Variants in COL23A1 observed in about 807,000 individuals in gnomAD.
COL23A1 encodes the protein collagen alpha-1(XXIII) chain.
COL23A1 carries 97 observed loss-of-function variants against 99.3 expected under a neutral mutation model. The observed-to-expected ratio is 0.98, with a 90% CI of 0.83 to 1.16. COL23A1 has a LOEUF of 1.16. Among genes scored for constraint, COL23A1 ranks in the 50% most tolerant of loss-of-function variants. COL23A1 has a pLI of 0.00. For missense variants in COL23A1, 762 were observed against 757.4 expected (o/e 1.01, Z -0.07); for synonymous variants, 320 against 308.2 (o/e 1.04, Z -0.40).
At chr5:178,452,645 A>G (rs1037815337) in intron 2 of COL23A1, among the ~76,000 whole-genome samples, 4 of 152,246 alleles carry the variant, frequency 2.6e-5, no homozygotes, top group Non-Finnish European at 2.9e-5. Context: ...TTTAAAAACC[A>G]GCAACAGAAA....
At chr5:178,547,507 AC>A (rs1356238914) in intron 2 of COL23A1, among the ~76,000 whole-genome samples, 1 of 62,338 alleles carries the variant, frequency 1.6e-5, no homozygotes, top group Non-Finnish European at 3.3e-5. Flanking sequence ...CCCCATACAC[AC>A]CCCCACACCC....
chr5:178,431,259 G>A (rs147970190), intron 2 of COL23A1, among the ~76,000 whole-genome samples: 8 of 152,282 alleles, frequency 5.3e-5, no homozygotes, highest in African/African-American at 1.7e-4. Context: ...CCTGTCACAC[G>A]CAGGGTGTGT....
At position 178,560,732 on chromosome 5, in the gene COL23A1, G is replaced by T; in HGVS notation, c.311C>A (p.Ala104Glu). The change falls in exon 2 of 29, where the codon GCG becomes GAG. Residue 104 changes from alanine (A) to glutamate (E), a missense_variant. Transcript: ENST00000390654. ...AGCTTCCCGAGCAGTCCGGATCTTCGCTAGTCCGTCCAACTTCTGAGCCGG... is the reference window on the plus strand; with the variant it reads ...AGCTTCCCGAGCAGTCCGGATCTTCTCTAGTCCGTCCAACTTCTGAGCCGG... Reference protein sequence around the residue: ...RLLREKLDGLAKIRTAREAPS... With the variant: ...RLLREKLDGLEKIRTAREAPS... The T allele has an allele frequency of 6.2e-7, 1 of 1,611,656 alleles. No homozygotes were observed. Among genetic ancestry groups the T allele is most frequent in the East Asian group, 2.2e-5 (1 of 44,808 alleles).
chr5:178,379,417 A>G (rs1763254653), intron 2 of COL23A1, among the ~76,000 whole-genome samples: 1 of 152,184 alleles, frequency 6.6e-6, no homozygotes, highest in Non-Finnish European at 1.5e-5. Flanking sequence ...GGATGGACAC[A>G]CATGAATCTG....
At chr5:178,561,143 T>C (rs1762540519) in intron 1 of COL23A1, among the ~76,000 whole-genome samples, 1 of 152,176 alleles carries the variant, frequency 6.6e-6, no homozygotes, top group African/African-American at 2.4e-5. Flanking sequence ...TCCAGGCGGC[T>C]TTCTGCACTC....
At chr5:178,492,119 T>C (rs1484555719) in intron 2 of COL23A1, among the ~76,000 whole-genome samples, 4 of 152,356 alleles carry the variant, frequency 2.6e-5, no homozygotes, top group East Asian at 3.9e-4. Context: ...TGAAGAAGCA[T>C]TGAAATTGTA....
chr5:178,450,487 G>A (rs575576738), intron 2 of COL23A1, among the ~76,000 whole-genome samples: 3 of 152,268 alleles, frequency 2.0e-5, no homozygotes, highest in South Asian at 2.1e-4. Context: ...GACATCGCAC[G>A]CTGAGAACGA....
In COL23A1 at chr5:178,316,951, C is replaced by T. The variant is rs142634403; in HGVS notation, c.362-10032G>A. The stretch of plus-strand genomic sequence containing the variant: ...GAGTATACGAGTCTTCCACTCTGGT[C>T]GGCTTATTCTATGGAGTGAGACTGA... On this transcript the variant is annotated intron_variant, in intron 2 of 28. Transcript: ENST00000390654. Among the ~76,000 whole-genome samples, 1,164 of 152,068 alleles carry T rather than the reference C, an allele frequency of 7.7e-3. 23 individuals carry two copies. The highest frequency in any genetic ancestry group is 0.026 in the African/African-American group (1,093 of 41,460).
chr5:178,456,052 A>G (rs957891509), intron 2 of COL23A1, among the ~76,000 whole-genome samples: 10 of 152,218 alleles, frequency 6.6e-5, no homozygotes, highest in Admixed American at 1.3e-4. Context: ...TTTTGAAAAG[A>G]CTCTCATATA....
intron 3 of COL23A1, among the ~76,000 whole-genome samples, chr5:178,296,378 G>A (rs911125084): frequency 6.6e-6 from 1 of 152,148 alleles, no homozygotes. Flanking sequence ...CTCACTAGGT[G>A]CATTTTACAG....
chr5:178,443,392 G>T (rs1766988655), intron 2 of COL23A1, among the ~76,000 whole-genome samples: 1 of 152,192 alleles, frequency 6.6e-6, no homozygotes, highest in Non-Finnish European at 1.5e-5. Flanking sequence ...TCTGGCCAGA[G>T]TTTTCAAAAG....
intron 2 of COL23A1, among the ~76,000 whole-genome samples, chr5:178,462,794 C>T (rs1182930734): frequency 6.6e-6 from 1 of 152,220 alleles, no homozygotes; most frequent in Non-Finnish European, 1.5e-5. Flanking sequence ...GAACGTTTCC[C>T]ACATCAAATT....
Position 178,415,062 on chromosome 5 carries a change from A to T in COL23A1, c.362-108143T>A, listed in dbSNP as rs1472993296. On this transcript the variant is annotated intron_variant, in intron 2 of 28. Transcript: ENST00000390654. The surrounding 1 kb of genome is among the most constrained non-coding windows in gnomAD (Gnocchi z 4.6). ...CACAATAAGATGAGGGCAGGTTTTT[A>T]AACAGTTTGTGCCTCAGTTTCTCAG... Among the ~76,000 whole-genome samples, 3 of 152,182 alleles carry T rather than the reference A, an allele frequency of 2.0e-5. No homozygotes were observed. Among genetic ancestry groups the T allele is most frequent in the African/African-American group, 7.2e-5 (3 of 41,442 alleles).
chr5:178,404,565 T>A (rs1764648238), intron 2 of COL23A1, among the ~76,000 whole-genome samples: 1 of 67,000 alleles, frequency 1.5e-5, no homozygotes, highest in Non-Finnish European at 2.1e-5. Flanking sequence ...TTCCTTATGG[T>A]GAACCTGGCC....
At chr5:178,380,762 G>A (rs1349845137) in intron 2 of COL23A1, among the ~76,000 whole-genome samples, 1 of 152,160 alleles carries the variant, frequency 6.6e-6, no homozygotes, top group Admixed American at 6.5e-5. Context: ...CGCAGTGAGA[G>A]GGAGGAGAGA....
chr5:178,296,527 G>A (rs191613262), intron 3 of COL23A1, among the ~76,000 whole-genome samples: 32 of 152,260 alleles, frequency 2.1e-4, no homozygotes, highest in African/African-American at 7.2e-4. Flanking sequence ...ACTTTCGTCC[G>A]TGGGAGGACC....
At chr5:178,357,991 CGTGTGT>C (rs572295370) in intron 2 of COL23A1, among the ~76,000 whole-genome samples, 4 of 117,900 alleles carry the variant, frequency 3.4e-5, no homozygotes, top group South Asian at 2.9e-4. Flanking sequence ...TGTGTGTATG[CGTGTGT>C]GTATATGTAT....
Position 178,307,237 on chromosome 5 carries a change from C to T in COL23A1, c.362-318G>A, listed in dbSNP as rs1310555411. Among the ~76,000 whole-genome samples the T allele has an allele frequency of 1.3e-5, 2 of 152,232 alleles. No homozygotes were observed. Among genetic ancestry groups the T allele is most frequent in the African/African-American group, 4.8e-5 (2 of 41,458 alleles). On this transcript the variant is annotated intron_variant, in intron 2 of 28. Coordinates refer to ENST00000390654, the MANE Select transcript of COL23A1 (RefSeq NM_173465.4). The surrounding 1 kb of genome is among the most constrained non-coding windows in gnomAD (Gnocchi z 4.2). ...TAATCACAAAGATTCCCATGGGAGG[C>T]TCCTGAGGCAGATGCGTTTGCAGCT...
At position 178,281,390 on chromosome 5, in the gene COL23A1, C is replaced by T. The variant is rs1035158813; in HGVS notation, c.441+6934G>A. Among the ~76,000 whole-genome samples, 3 of 152,134 alleles carry T rather than the reference C, an allele frequency of 2.0e-5. No individual in the cohort carries two copies. The highest frequency in any genetic ancestry group is 4.4e-5 in the Non-Finnish European group (3 of 68,022). ...CTTCATTTCAAAATTGGTCCCAGGC[C>T]GAGGCCCCGTCTCACAGACCACATT... On this transcript the variant is annotated intron_variant, in intron 5 of 28. Transcript: ENST00000390654. The surrounding 1 kb of genome is among the most constrained non-coding windows in gnomAD (Gnocchi z 4.0).
Sources: gnomAD v4.1 joint callset for allele counts (sites outside exome capture counted in the v4.1 genomes callset) on GRCh38, gnomAD v4.1.1 for gene constraint, Gnocchi (gnomAD v3.1) non-coding constraint, MANE v1.5 for transcripts, NCBI Gene and HGNC (gene_info 2026-07-23, HGNC 2026-07-21) for gene names.